Variants in PDE4D observed in about 807,000 individuals in gnomAD.
PDE4D encodes the protein phosphodiesterase 4D.
Under a neutral mutation model 87.4 loss-of-function variants are expected in PDE4D, and 24 were observed. The observed-to-expected ratio is 0.27, with a 90% CI of 0.20 to 0.39. The LOEUF (loss-of-function observed/expected upper bound fraction) is 0.39. Among genes scored for constraint, PDE4D ranks in the 10% least tolerant of loss-of-function variants. PDE4D has a pLI of 1.00. For synonymous variants in PDE4D, 384 were observed against 383.2 expected (o/e 1.00, Z -0.02); for missense variants, 714 against 1,041.0 (o/e 0.69, Z 4.32).
chr5:60,519,608 A>AT (rs1750946705), intron 1 of PDE4D, among the ~76,000 whole-genome samples: 1 of 152,172 alleles, frequency 6.6e-6, no homozygotes, highest in South Asian at 2.1e-4. Flanking sequence ...TGTTTGGAAA[A>AT]AAAAGAATAG....
intron 6 of PDE4D, among the ~76,000 whole-genome samples, chr5:59,015,916 C>T (rs1320910156): frequency 2.0e-5 from 3 of 152,142 alleles, no homozygotes; most frequent in Admixed American, 1.3e-4. Flanking sequence ...AAATGTGGCA[C>T]ATACACACCA....
intron 1 of PDE4D, among the ~76,000 whole-genome samples, chr5:59,282,456 C>T (rs1420905587): frequency 1.3e-5 from 2 of 151,756 alleles, no homozygotes; most frequent in Non-Finnish European, 2.9e-5. Context: ...GCCTGGCAAA[C>T]ATGGTGAAAC....
At position 59,574,112 on chromosome 5, in the gene PDE4D, A is replaced by ATT. The variant is rs1822591823; in HGVS notation, c.455+319055_455+319056insAA. Among the ~76,000 whole-genome samples, 6 of 3,372 alleles carry ATT rather than the reference A, an allele frequency of 1.8e-3. No individual in the cohort carries two copies. In the Admixed American group the frequency reaches 0.037, roughly 21 times the overall value. 2.2% of individuals were successfully genotyped at this position (3,372 alleles called of 152,430 possible). A position where few individuals can be genotyped will look rare whatever the true frequency, so the allele number is the denominator to read the frequency against. On this transcript the variant is annotated intron_variant, in intron 1 of 14. Transcript: ENST00000340635. ...TATATATAAATATATATTTATATAT[A>ATT]TATATAAATATATATTTATATATAT...
upstream of PDE4D, chr5:59,893,913 G>T: frequency 1.1e-6 from 1 of 875,504 alleles, no homozygotes; most frequent in Non-Finnish European, 1.5e-6. Flanking sequence ...GCCCGGTTTC[G>T]CCAGAGGTTG....
At chr5:59,529,106 A>T in intron 1 of PDE4D, 3 of 472,850 alleles carry the variant, frequency 6.3e-6, no homozygotes, top group South Asian at 5.0e-5. Context: ...TTCTAATTTC[A>T]GACTCACTCC....
intron 1 of PDE4D, among the ~76,000 whole-genome samples, chr5:59,840,923 T>C (rs1272883767): frequency 6.6e-6 from 1 of 152,082 alleles, no homozygotes; most frequent in African/African-American, 2.4e-5. Flanking sequence ...GAAAGATTAC[T>C]TATTCTAATT....
At chr5:60,088,729 G>GT (rs1344863337) in intron 2 of PDE4D, among the ~76,000 whole-genome samples, 2 of 151,638 alleles carry the variant, frequency 1.3e-5, no homozygotes, top group African/African-American at 4.8e-5. Context: ...AAAAACGAAA[G>GT]TAAGAGAGAG....
At chr5:60,004,086 G>C (rs1764258726) in intron 2 of PDE4D, among the ~76,000 whole-genome samples, 1 of 152,106 alleles carries the variant, frequency 6.6e-6, no homozygotes, top group African/African-American at 2.4e-5. Context: ...CAGGTGGAAA[G>C]CTTCTTGACA....
chr5:59,213,961 T>G (rs1423144145), intron 2 of PDE4D, among the ~76,000 whole-genome samples: 1 of 151,738 alleles, frequency 6.6e-6, no homozygotes, highest in Non-Finnish European at 1.5e-5. Context: ...ACGTACTCAT[T>G]CATGGACAAA....
At position 60,129,390 on chromosome 5, in the gene PDE4D, G is replaced by T. The variant is rs539015282; in HGVS notation, c.42+56167C>A. On this transcript the variant is annotated intron_variant, in intron 2 of 16. Coordinates refer to the PDE4D transcript ENST00000502484. ...AGAGAAGAGGCAGGAAAAAAGAAAT[G>T]TCAAATGCATGAAAGTATTATTAAC... Among the ~76,000 whole-genome samples, 1,105 of 152,302 alleles carry T rather than the reference G, an allele frequency of 7.3e-3. 6 individuals carry two copies. Among genetic ancestry groups the T allele is most frequent in the Admixed American group, 0.014 (209 of 15,284 alleles).
intron 1 of PDE4D, among the ~76,000 whole-genome samples, chr5:59,414,654 T>C (rs1328639782): frequency 3.3e-5 from 5 of 152,214 alleles, no homozygotes; most frequent in Admixed American, 1.3e-4. Context: ...CACTAGCTCA[T>C]ACAGAAAATG....
At chr5:59,140,804 G>A (rs1030833573) in intron 5 of PDE4D, among the ~76,000 whole-genome samples, 13 of 152,180 alleles carry the variant, frequency 8.5e-5, no homozygotes, top group African/African-American at 3.1e-4. Flanking sequence ...TAGAAGAGAT[G>A]TAATATTCCT....
chr5:59,486,278 C>T (rs1402515916), intron 1 of PDE4D, among the ~76,000 whole-genome samples: 1 of 152,146 alleles, frequency 6.6e-6, no homozygotes, highest in African/African-American at 2.4e-5. Flanking sequence ...CTCCCAACTC[C>T]TGTCCTCACC....
intron 1 of PDE4D, among the ~76,000 whole-genome samples, chr5:60,464,791 A>G (rs1747214859): frequency 6.6e-6 from 1 of 152,194 alleles, no homozygotes; most frequent in African/African-American, 2.4e-5. Context: ...ATGGAGCTAT[A>G]AAAGCTAAAA....
chr5:59,523,170 A>G (rs1455643812), intron 1 of PDE4D, among the ~76,000 whole-genome samples: 1 of 152,132 alleles, frequency 6.6e-6, no homozygotes, highest in African/African-American at 2.4e-5. Context: ...TCAAACACCC[A>G]CCCTTCCTCA....
Position 60,248,633 on chromosome 5 carries a change from T to G in PDE4D, c.-89-62946A>C, listed in dbSNP as rs150504964. Among the ~76,000 whole-genome samples the G allele has an allele frequency of 3.3e-3, 498 of 152,168 alleles. 5 individuals are homozygous for G. Among genetic ancestry groups the G allele is most frequent in the African/African-American group, 0.011 (471 of 41,534 alleles). On this transcript the variant is annotated intron_variant, in intron 1 of 16. Transcript: ENST00000502484. The stretch of plus-strand genomic sequence containing the variant: ...AATAGGACAGACTGGACCTTCACAA[T>G]TCTTTCATGACCTCTCTTATCTTTC...
At chr5:59,284,456 T>C (rs1484033803) in intron 1 of PDE4D, among the ~76,000 whole-genome samples, 2 of 152,134 alleles carry the variant, frequency 1.3e-5, no homozygotes, top group Admixed American at 1.3e-4. Flanking sequence ...TGCATAAATG[T>C]CTTCTTTTGA....
At chr5:59,227,944 G>A (rs894050093) in intron 1 of PDE4D, among the ~76,000 whole-genome samples, 3 of 152,008 alleles carry the variant, frequency 2.0e-5, no homozygotes, top group Non-Finnish European at 2.9e-5. Context: ...ATAAAGATAC[G>A]TGCATGCATG....
chr5:59,751,177 G>A (rs1262014442), intron 1 of PDE4D, among the ~76,000 whole-genome samples: 1 of 152,116 alleles, frequency 6.6e-6, no homozygotes, highest in Non-Finnish European at 1.5e-5. Context: ...CAGCCCCTCA[G>A]AACTGCTAGA....
Sources: allele counts gnomAD v4.1 joint callset (sites outside exome capture counted in the v4.1 genomes callset), GRCh38; gene constraint gnomAD v4.1.1; transcripts MANE v1.5; gene names NCBI Gene and HGNC (gene_info 2026-07-23, HGNC 2026-07-21).